TNPO2: variants seen among roughly 807,000 people sequenced by gnomAD.
TNPO2 encodes transportin 2.
A neutral mutation model predicts 111.1 loss-of-function variants in TNPO2; 16 were observed. The ratio of observed to expected loss-of-function variants is 0.14; its 90% CI spans 0.10 to 0.22. The LOEUF is 0.22. Among genes scored for constraint, TNPO2 ranks in the 10% least tolerant of loss-of-function variants. The pLI is 1.00. For missense variants in TNPO2, 530 were observed against 1,173.7 expected (o/e 0.45, Z 8.01); for synonymous variants, 481 against 475.8 (o/e 1.01, Z -0.14).
chr19:12,704,699 T>A (rs185637199), intron 18 of TNPO2, among the ~76,000 whole-genome samples: 1 of 152,046 alleles, frequency 6.6e-6, no homozygotes, highest in East Asian at 1.9e-4. Context: ...TCTTTTTTTT[T>A]GAAGACAGAG....
At position 12,721,427 on chromosome 19, in the gene TNPO2, AG is replaced by A. The variant is rs1418792349; in HGVS notation, c.-13-438del. On this transcript the variant is annotated intron_variant, in intron 2 of 25. Transcript: ENST00000425528. The surrounding 1 kb of genome is among the most constrained non-coding windows in gnomAD (Gnocchi z 4.9). ...CCGGCCCCCGTGGTCTCTTCTATGC[AG>A]GCACAGTCCCTGAAGAGTCCCCTTC... 15 of 608,860 alleles carry A rather than the reference AG, an allele frequency of 2.5e-5. No individual in the cohort carries two copies. The highest frequency in any genetic ancestry group is 3.5e-5 in the Non-Finnish European group (13 of 372,878). The allele number at this position is 608,860 out of a possible 1,614,324, so 37.7% of individuals were successfully genotyped here.
intron 18 of TNPO2, among the ~76,000 whole-genome samples, chr19:12,704,346 G>A (rs1439151805): frequency 1.3e-5 from 2 of 151,634 alleles, no homozygotes; most frequent in African/African-American, 4.8e-5. Flanking sequence ...TCCAGCCTGG[G>A]TGACAGAGTG....
chr19:12,718,065 C>T (rs1267939139), intron 5 of TNPO2, among the ~76,000 whole-genome samples: 6 of 151,620 alleles, frequency 4.0e-5, no homozygotes, highest in Non-Finnish European at 2.9e-5. Flanking sequence ...AGTGTAGTGC[C>T]GCAATCTCGG....
At position 12,721,086 on chromosome 19, in the gene TNPO2, G is replaced by C; in HGVS notation, c.-13-96C>G. The C allele has an allele frequency of 6.5e-7, 1 of 1,529,980 alleles. No homozygotes were observed. The highest frequency in any genetic ancestry group is 8.7e-7 in the Non-Finnish European group (1 of 1,144,216). The allele number at this position is 1,529,980 out of a possible 1,614,324, so 94.8% of individuals were successfully genotyped here. On this transcript the variant is annotated intron_variant, in intron 2 of 25. Transcript: ENST00000425528. This position sits in a 1 kb window ranked among gnomAD's most constrained non-coding sequence, Gnocchi z 4.9. ...AGGCCGCGGTGGCCGCATGACGACG[G>C]GAACGCCCTCGGCGGACAGGCGGAG...
At chr19:12,722,432 CA>C (rs1317712981) in intron 2 of TNPO2, 2 of 150,934 alleles carry the variant, frequency 1.3e-5, no homozygotes, top group Non-Finnish European at 3.0e-5. Context: ...GGGGTCGACG[CA>C]AGCCGGGGCC....
chr19:12,715,869 CTT>C lies in TNPO2; in HGVS notation c.326-132_326-131del, dbSNP rs200335232. On this transcript the variant is annotated intron_variant, in intron 5 of 25. Transcript: ENST00000425528. The surrounding 1 kb of genome is among the most constrained non-coding windows in gnomAD (Gnocchi z 7.1). ...ATGTACGCCCTCTACATCCCCCCTC[CTT>C]TTTTTTTTCTTTGTAAGAGATAGAA... 53 of 586,982 alleles carry C rather than the reference CTT, an allele frequency of 9.0e-5. No homozygotes were observed. In the South Asian group the frequency reaches 1.0e-3, roughly 12 times the overall value. 36.4% of individuals were successfully genotyped at this position (586,982 alleles called of 1,614,324 possible).
Position 12,701,873 on chromosome 19 carries a change from G to A in TNPO2, c.2412-22C>T. ...GCACCTGTGGGAAGGTGAGCAGCTG[G>A]AGGTCAGAGGGCAGGCTGGGCATGC... On this transcript the variant is annotated intron_variant, in intron 22 of 25. Transcript: ENST00000425528. This position sits in a 1 kb window ranked among gnomAD's most constrained non-coding sequence, Gnocchi z 5.0. 1.3e-6 allele frequency: 2 copies of A among 1,597,732 alleles called. No homozygotes were observed. Among genetic ancestry groups the A allele is most frequent in the Non-Finnish European group, 1.7e-6 (2 of 1,167,216 alleles).
rs552985022 is a variant in TNPO2, at chr19:12,702,587, C to G, written c.2305+236G>C. On this transcript the variant is annotated intron_variant, in intron 21 of 25. Transcript: ENST00000425528. The surrounding 1 kb of genome is among the most constrained non-coding windows in gnomAD (Gnocchi z 5.5). The stretch of plus-strand genomic sequence containing the variant: ...TTCACCATGTTGGCCAGGCTGGTCT[C>G]GAACTCCTGACTTCAGGTGATCTGC... 1.3e-5 allele frequency among the ~76,000 whole-genome samples: 2 copies of G among 152,130 alleles called. No individual in the cohort carries two copies. The highest frequency in any genetic ancestry group is 4.1e-4 in the South Asian group (2 of 4,824).
At chr19:12,704,808 A>C (rs1175706051) in intron 18 of TNPO2, among the ~76,000 whole-genome samples, 1 of 151,558 alleles carries the variant, frequency 6.6e-6, no homozygotes, top group Non-Finnish European at 1.5e-5. Flanking sequence ...TCAGCCTTCC[A>C]AGTAGCTGGG....
intron 2 of TNPO2, among the ~76,000 whole-genome samples, chr19:12,722,992 A>T (rs989223866): frequency 6.6e-6 from 1 of 152,136 alleles, no homozygotes; most frequent in African/African-American, 2.4e-5. Context: ...ACTTGGGAGG[A>T]GTACGCTGTG....
intron 18 of TNPO2, among the ~76,000 whole-genome samples, 199 bp from the exon 19 acceptor site, chr19:12,704,000 T>A (rs2025481175): frequency 6.6e-6 from 1 of 152,160 alleles, no homozygotes; most frequent in Non-Finnish European, 1.5e-5. Context: ...TCCCTCAGTG[T>A]CCGTGGGGGA....
At position 12,702,193 on chromosome 19, in the gene TNPO2, G is replaced by A. The variant is rs1330520779; in HGVS notation, c.2306-16C>T. 3.1e-6 allele frequency: 5 copies of A among 1,608,680 alleles called. No homozygotes were observed. The highest frequency in any genetic ancestry group is 4.2e-6 in the Non-Finnish European group (5 of 1,177,260). ...GTCAGGCGACCTGCAACCCCGAGCG[G>A]CCCCGGGACGGTACGTGGCGGGGCC... On this transcript the variant is annotated splice_polypyrimidine_tract_variant and intron_variant, in intron 21 of 25. Coordinates refer to ENST00000425528, the MANE Select transcript of TNPO2 (RefSeq NM_001382241.1). The surrounding 1 kb of genome is among the most constrained non-coding windows in gnomAD (Gnocchi z 5.5).
intron 13 of TNPO2, among the ~76,000 whole-genome samples, chr19:12,708,889 C>T (rs930802818): frequency 2.6e-5 from 4 of 151,300 alleles, no homozygotes; most frequent in African/African-American, 7.3e-5. Context: ...AAGAAATTAG[C>T]CAGGCCTGGT....
At position 12,715,777 on chromosome 19, in the gene TNPO2, C is replaced by T. The variant is rs775712154; in HGVS notation, c.326-38G>A. 1 of 1,541,984 alleles carries T rather than the reference C, an allele frequency of 6.5e-7. No homozygotes were observed. Among genetic ancestry groups the T allele is most frequent in the Non-Finnish European group, 8.8e-7 (1 of 1,136,198 alleles). On this transcript the variant is annotated intron_variant, in intron 5 of 25. Coordinates refer to ENST00000425528, the MANE Select transcript of TNPO2 (RefSeq NM_001382241.1). This position sits in a 1 kb window ranked among gnomAD's most constrained non-coding sequence, Gnocchi z 7.1. Reference sequence around the variant, plus strand: ...GGAAAGGACGCTGCCTGAGGCTGGGCAGGGGCTGCCTAGCACCTCCCCCTC... The same window carrying T: ...GGAAAGGACGCTGCCTGAGGCTGGGTAGGGGCTGCCTAGCACCTCCCCCTC...
In TNPO2 at chr19:12,719,741, G is replaced by A. The variant is rs2026564897; in HGVS notation, c.100-405C>T. On this transcript the variant is annotated intron_variant, in intron 3 of 25. Coordinates refer to ENST00000425528, the MANE Select transcript of TNPO2 (RefSeq NM_001382241.1). This position sits in a 1 kb window ranked among gnomAD's most constrained non-coding sequence, Gnocchi z 5.0. Reference sequence around the variant, plus strand: ...TTGAACCCAGCAGGTGAAGGTTGCAGTGAGCCGAGATTGCGCCTCTGCATT... The same window carrying A: ...TTGAACCCAGCAGGTGAAGGTTGCAATGAGCCGAGATTGCGCCTCTGCATT... Among the ~76,000 whole-genome samples, 1 of 151,920 alleles carries A rather than the reference G, an allele frequency of 6.6e-6. No individual in the cohort carries two copies. The highest frequency in any genetic ancestry group is 6.6e-5 in the Admixed American group (1 of 15,232).
chr19:12,722,695 A>G (rs1350962823), intron 2 of TNPO2: 1 of 151,040 alleles, frequency 6.6e-6, no homozygotes, highest in Non-Finnish European at 1.5e-5. Flanking sequence ...CAACCTTCAC[A>G]CGTGCCCTGG....
At chr19:12,703,575 G>A in intron 19 of TNPO2, 49 bp from the exon 20 acceptor site, 1 of 1,594,264 alleles carries the variant, frequency 6.3e-7, no homozygotes. Context: ...GCCAGGGTAA[G>A]CTGCAGGACC....
In TNPO2 at chr19:12,705,423, A is replaced by C. The variant is rs1401183442; in HGVS notation, c.1864-25T>G. On this transcript the variant is annotated intron_variant, in intron 17 of 25. Transcript: ENST00000425528. This position sits in a 1 kb window ranked among gnomAD's most constrained non-coding sequence, Gnocchi z 7.2. ...TCTAGACACAGATGCCGACAGGGGC[A>C]CGGGTAAGTGGAGCAGGCCCGAGGC... 1 of 1,577,706 alleles carries C rather than the reference A, an allele frequency of 6.3e-7. No homozygotes were observed. Among genetic ancestry groups the C allele is most frequent in the Non-Finnish European group, 8.6e-7 (1 of 1,161,906 alleles).
In TNPO2 at chr19:12,717,528, T is replaced by C. The variant is rs189082761; in HGVS notation, c.325+1501A>G. Among the ~76,000 whole-genome samples, 568 of 152,198 alleles carry C rather than the reference T, an allele frequency of 3.7e-3. 2 individuals carry two copies. The highest frequency in any genetic ancestry group is 0.013 in the African/African-American group (534 of 41,514). Reference sequence around the variant, plus strand: ...CTCAGGTGATCCACCTGCCTCAGCCTCCCAAGGTGCTGGGATTAGAGGCGT... The same window carrying C: ...CTCAGGTGATCCACCTGCCTCAGCCCCCCAAGGTGCTGGGATTAGAGGCGT... On this transcript the variant is annotated intron_variant, in intron 5 of 25. Coordinates refer to ENST00000425528, the MANE Select transcript of TNPO2 (RefSeq NM_001382241.1).
Sources: allele counts gnomAD v4.1 joint callset (sites outside exome capture counted in the v4.1 genomes callset), GRCh38; gene constraint gnomAD v4.1.1; non-coding constraint Gnocchi (gnomAD v3.1); transcripts MANE v1.5; gene names NCBI Gene and HGNC (gene_info 2026-07-23, HGNC 2026-07-21).